The following RSPO2 variants were observed in gnomAD, a reference collection of about 807,000 sequenced individuals.
The protein encoded by RSPO2 is R-spondin-2.
RSPO2 carries 14 observed loss-of-function variants against 30.9 expected under a neutral mutation model. That is an observed-to-expected ratio of 0.45 (90% CI 0.30 to 0.71). RSPO2 has a LOEUF of 0.71. Ranked by LOEUF, RSPO2 falls within the 30% of genes least tolerant of loss-of-function variation. The probability of loss-of-function intolerance (pLI) is 0.08; values close to 1 mark genes in which losing one functional copy is unlikely to be tolerated. For synonymous variants in RSPO2, 107 were observed against 96.4 expected (o/e 1.11, Z -0.64); for missense variants, 264 against 301.9 (o/e 0.87, Z 0.93).
chr8:108,000,903 G>A (rs1410502583), intron 2 of RSPO2, among the ~76,000 whole-genome samples: 1 of 152,220 alleles, frequency 6.6e-6, no homozygotes, highest in East Asian at 1.9e-4. Context: ...TCAGGAGGCT[G>A]AGGCAGGAGA....
chr8:107,929,963 T>C (rs1474721904), intron 5 of RSPO2, among the ~76,000 whole-genome samples: 1 of 152,184 alleles, frequency 6.6e-6, no homozygotes, highest in Non-Finnish European at 1.5e-5. Flanking sequence ...TTTGCCTACT[T>C]AGTTTAAGAT....
At chr8:108,002,451 C>T (rs1260138142) in intron 2 of RSPO2, among the ~76,000 whole-genome samples, 1 of 152,138 alleles carries the variant, frequency 6.6e-6, no homozygotes, top group Non-Finnish European at 1.5e-5. Flanking sequence ...CTGACCTATC[C>T]AACTGCCTGT....
chr8:107,995,240 C>A (rs978594778), intron 2 of RSPO2, among the ~76,000 whole-genome samples: 1 of 152,026 alleles, frequency 6.6e-6, no homozygotes, highest in South Asian at 2.1e-4. Flanking sequence ...CCAAATAATT[C>A]TCATTTAATA....
intron 2 of RSPO2, among the ~76,000 whole-genome samples, chr8:107,999,770 T>C (rs1007950112): frequency 2.0e-5 from 3 of 151,564 alleles, no homozygotes; most frequent in Admixed American, 2.0e-4. Flanking sequence ...GGGAGAAAGT[T>C]AGAGTCACAG....
At chr8:107,967,501 C>T (rs1038679181) in intron 3 of RSPO2, among the ~76,000 whole-genome samples, 1 of 152,046 alleles carries the variant, frequency 6.6e-6, no homozygotes, top group Non-Finnish European at 1.5e-5. Flanking sequence ...AAGTAACACA[C>T]AGCTCATTAG....
chr8:107,983,413 G>C, intron 3 of RSPO2: 1 of 1,603,698 alleles, frequency 6.2e-7, no homozygotes. Context: ...CCATCTTCAG[G>C]CATCTCACAA....
intron 5 of RSPO2, among the ~76,000 whole-genome samples, chr8:107,949,798 C>G (rs1813183623): frequency 6.6e-6 from 1 of 152,192 alleles, no homozygotes; most frequent in African/African-American, 2.4e-5. Context: ...GATGGTTACA[C>G]TAAAAGCCTA....
At chr8:108,039,005 A>C (rs568680041) in intron 2 of RSPO2, among the ~76,000 whole-genome samples, 24 of 152,310 alleles carry the variant, frequency 1.6e-4, no homozygotes, top group Middle Eastern at 3.4e-3. Context: ...AGTGTCTAGT[A>C]GACATCACAA....
chr8:107,988,099 A>G (rs1586604872), intron 3 of RSPO2, among the ~76,000 whole-genome samples: 2 of 152,110 alleles, frequency 1.3e-5, no homozygotes, highest in African/African-American at 4.8e-5. Flanking sequence ...CACAATTTCT[A>G]TGGCTGACCT....
chr8:107,977,039 G>A (rs757103676), intron 3 of RSPO2, among the ~76,000 whole-genome samples: 11 of 152,158 alleles, frequency 7.2e-5, no homozygotes, highest in Admixed American at 1.3e-4. Context: ...TAGGGAAGGG[G>A]AGAGACAAGT....
At chr8:107,902,478 CAATTT>C (rs1405498209) in intron 5 of RSPO2, among the ~76,000 whole-genome samples, 1 of 151,952 alleles carries the variant, frequency 6.6e-6, no homozygotes, top group Non-Finnish European at 1.5e-5. Context: ...TATAGCAGGC[CAATTT>C]TTCAATCTAG....
chr8:107,917,427 G>T (rs1812017073), intron 5 of RSPO2, among the ~76,000 whole-genome samples: 1 of 152,138 alleles, frequency 6.6e-6, no homozygotes, highest in African/African-American at 2.4e-5. Flanking sequence ...GGAGGCTGCA[G>T]TAAGCCAAGA....
intron 2 of RSPO2, among the ~76,000 whole-genome samples, chr8:108,069,822 A>T (rs137867331): frequency 6.6e-6 from 1 of 152,346 alleles, no homozygotes; most frequent in Admixed American, 6.5e-5. Context: ...AAGTAACTTA[A>T]GATGATATAC....
chr8:107,998,512 C>T (rs1815105742), intron 2 of RSPO2, among the ~76,000 whole-genome samples: 1 of 152,004 alleles, frequency 6.6e-6, no homozygotes, highest in African/African-American at 2.4e-5. Context: ...ACCCAGTAGT[C>T]CGATTGTGAA....
intron 2 of RSPO2, among the ~76,000 whole-genome samples, chr8:108,074,122 C>T (rs1043478258): frequency 6.6e-6 from 1 of 152,092 alleles, no homozygotes; most frequent in African/African-American, 2.4e-5. Flanking sequence ...CCTCTGGACC[C>T]CAAGTTAAGA....
chr8:108,060,492 T>G (rs1351213113), intron 2 of RSPO2, among the ~76,000 whole-genome samples: 1 of 149,330 alleles, frequency 6.7e-6, no homozygotes, highest in Non-Finnish European at 1.5e-5. Context: ...AAAAAAAGAG[T>G]GAAAAGAAAC....
chr8:107,950,278 T>C (rs1354456955), intron 5 of RSPO2, among the ~76,000 whole-genome samples: 1 of 152,226 alleles, frequency 6.6e-6, no homozygotes, highest in African/African-American at 2.4e-5. Flanking sequence ...AAAGCTGCTA[T>C]TAAATTGATA....
intron 2 of RSPO2, among the ~76,000 whole-genome samples, chr8:108,042,937 C>T (rs564078851): frequency 6.6e-6 from 1 of 152,262 alleles, no homozygotes; most frequent in Admixed American, 6.5e-5. Context: ...GAGCTTCATA[C>T]TCCATATCAA....
At chr8:108,001,463 A>G (rs1201135572) in intron 2 of RSPO2, among the ~76,000 whole-genome samples, 1 of 152,174 alleles carries the variant, frequency 6.6e-6, no homozygotes, top group African/African-American at 2.4e-5. Context: ...GCATATCCCT[A>G]CACTAGACGT....
Sources: gnomAD v4.1 joint callset for allele counts (sites outside exome capture counted in the v4.1 genomes callset) on GRCh38, gnomAD v4.1.1 for gene constraint, MANE v1.5 for transcripts, NCBI Gene and HGNC (gene_info 2026-07-23, HGNC 2026-07-21) for gene names.